ADAM10: variants seen among roughly 807,000 people sequenced by gnomAD.
ADAM10 encodes the protein disintegrin and metalloproteinase domain-containing protein 10.
ADAM10 carries 17 observed loss-of-function variants against 90.1 expected under a neutral mutation model. That is an observed-to-expected ratio of 0.19 (90% CI 0.13 to 0.28). The LOEUF is 0.28. ADAM10 is among the 10% of genes least tolerant of loss of function. The pLI, the probability that ADAM10 is intolerant of heterozygous loss-of-function variation, is 1.00. For missense variants in ADAM10, 610 were observed against 914.3 expected (o/e 0.67, Z 4.29); for synonymous variants, 310 against 298.6 (o/e 1.04, Z -0.40).
chr15:58,682,289 C>T lies in ADAM10; in HGVS notation c.232G>A (p.Asp78Asn). Reference protein sequence around the residue: ...GRHFNLRMKRDTSLFSDEFKV... With the variant: ...GRHFNLRMKRNTSLFSDEFKV... ...AATTCATCACTGAAAAGGGAAGTGT[C>T]CCTCTTCATTCGTAGGTTGAAATGT... Residue 78 changes from aspartate (D) to asparagine (N), a missense_variant, in exon 3 of 16, where the codon GAC becomes AAC. Transcript: ENST00000260408. 6.2e-7 allele frequency: 1 copy of T among 1,612,842 alleles called. No individual in the cohort carries two copies.
Position 58,651,409 on chromosome 15 carries a change from A to G in ADAM10, c.586-5205T>C, listed in dbSNP as rs557456656. On this transcript the variant is annotated intron_variant, in intron 5 of 15. Transcript: ENST00000260408. ...TCCCCACTTCCCCCACCACTGCTCT[A>G]ATACTCATTGCACCCTCTGGTAACC... 3.4e-4 allele frequency among the ~76,000 whole-genome samples: 51 copies of G among 152,200 alleles called. No homozygotes were observed. In the South Asian group the frequency reaches 8.5e-3, roughly 25 times the overall value.
At chr15:58,647,246 G>GTCTTTTTTTTTTTTTTTTTTTTTT (rs1323960397) in intron 5 of ADAM10, among the ~76,000 whole-genome samples, 1 of 36,828 alleles carries the variant, frequency 2.7e-5, no homozygotes, top group African/African-American at 7.4e-5. Context: ...TAGACACTAA[G>GTCTTTTTTTTTTTTTTTTTTTTTT]TATTTTTTTT....
At chr15:58,701,569 C>T (rs1898136303) in intron 2 of ADAM10, among the ~76,000 whole-genome samples, 1 of 152,122 alleles carries the variant, frequency 6.6e-6, no homozygotes, top group East Asian at 1.9e-4. Context: ...CTATGCAAAA[C>T]AGCATAGAGA....
chr15:58,641,538 TG>T (rs1474828246), intron 7 of ADAM10, among the ~76,000 whole-genome samples: 1 of 152,212 alleles, frequency 6.6e-6, no homozygotes, highest in African/African-American at 2.4e-5. Context: ...GCAAGAATTT[TG>T]CTAATTTAAA....
intron 4 of ADAM10, among the ~76,000 whole-genome samples, chr15:58,675,819 T>C (rs1897293239): frequency 6.6e-6 from 1 of 152,112 alleles, no homozygotes; most frequent in South Asian, 2.1e-4. Flanking sequence ...GCAAAAACAG[T>C]ATTAAGAAGA....
chr15:58,710,049 A>C (rs2140804344), intron 2 of ADAM10, among the ~76,000 whole-genome samples: 1 of 152,210 alleles, frequency 6.6e-6, no homozygotes, highest in Non-Finnish European at 1.5e-5. Context: ...CTAGGAGGCC[A>C]AGGCAGGCGG....
Position 58,693,112 on chromosome 15 carries a change from A to G in ADAM10, c.207-10798T>C, listed in dbSNP as rs768659351. 11 of 740,724 alleles carry G rather than the reference A, an allele frequency of 1.5e-5. No individual in the cohort carries two copies. The East Asian group carries it at 2.8e-4, about 19-fold the overall frequency. 45.9% of individuals were successfully genotyped at this position (740,724 alleles called of 1,614,324 possible). A position where few individuals can be genotyped will look rare whatever the true frequency, so the allele number is the denominator to read the frequency against. On this transcript the variant is annotated intron_variant, in intron 2 of 15. Transcript: ENST00000260408. ...CTCCTTGTTGGAATAGAAGGTATTG[A>G]TTATGAGAGACATGAGTTGGGCAAT... is the stretch of plus-strand genomic sequence containing the variant.
chr15:58,726,071 T>C (rs1194400863), intron 1 of ADAM10, among the ~76,000 whole-genome samples: 1 of 152,188 alleles, frequency 6.6e-6, no homozygotes, highest in African/African-American at 2.4e-5. Context: ...CGAATACATT[T>C]TTTAAACACA....
intron 5 of ADAM10, among the ~76,000 whole-genome samples, chr15:58,653,904 G>T (rs548452582): frequency 6.6e-6 from 1 of 152,206 alleles, no homozygotes; most frequent in Non-Finnish European, 1.5e-5. Flanking sequence ...TTATTGGTCT[G>T]TTCAGGTTTT....
At chr15:58,695,552 T>C (rs188736461) in intron 2 of ADAM10, among the ~76,000 whole-genome samples, 129 of 152,070 alleles carry the variant, frequency 8.5e-4, no homozygotes, top group East Asian at 3.1e-3. Context: ...TTCAGCAAAA[T>C]TGCACCCTGA....
At chr15:58,710,811 T>C (rs1322864811) in intron 2 of ADAM10, among the ~76,000 whole-genome samples, 1 of 152,196 alleles carries the variant, frequency 6.6e-6, no homozygotes, top group Non-Finnish European at 1.5e-5. Flanking sequence ...CAGGCATTCA[T>C]TTGTGTTCCC....
intron 1 of ADAM10, among the ~76,000 whole-genome samples, chr15:58,729,143 A>C (rs1360723028): frequency 6.6e-6 from 1 of 152,094 alleles, no homozygotes; most frequent in Non-Finnish European, 1.5e-5. Flanking sequence ...GAACTGCTTG[A>C]GCCCAGGAGT....
intron 4 of ADAM10, among the ~76,000 whole-genome samples, chr15:58,675,556 T>C (rs780475847): frequency 6.6e-6 from 1 of 152,232 alleles, no homozygotes; most frequent in East Asian, 1.9e-4. Context: ...GTGGTATTCT[T>C]ACCTTGTCAT....
chr15:58,724,486 A>C (rs1414573434), intron 1 of ADAM10, among the ~76,000 whole-genome samples: 1 of 152,234 alleles, frequency 6.6e-6, no homozygotes, highest in African/African-American at 2.4e-5. Context: ...ATCTACTACA[A>C]CTGGCCCAGC....
At chr15:58,622,827 G>A (rs1043520385) in intron 10 of ADAM10, among the ~76,000 whole-genome samples, 7 of 152,150 alleles carry the variant, frequency 4.6e-5, no homozygotes, top group Admixed American at 1.3e-4. Context: ...AAGAGCTTTA[G>A]CAACTGCAGA....
chr15:58,682,334 G>A lies in ADAM10; in HGVS notation c.207-20C>T, dbSNP rs1013676783. Reference sequence around the variant, plus strand: ...AAATGTCTGTAAAATGGGATGGGAAGGGGGAACAACTGAAATTAAAAAGAT... The same window carrying A: ...AAATGTCTGTAAAATGGGATGGGAAAGGGGAACAACTGAAATTAAAAAGAT... On this transcript the variant is annotated intron_variant, in intron 2 of 15. Transcript: ENST00000260408. 3 of 1,606,048 alleles carry A rather than the reference G, an allele frequency of 1.9e-6. No individual in the cohort carries two copies. Among genetic ancestry groups the A allele is most frequent in the Middle Eastern group, 1.7e-4 (1 of 5,802 alleles).
chr15:58,599,806 G>A (rs948877354), intron 14 of ADAM10, 82 bp from the exon 15 acceptor site: 1 of 1,370,414 alleles, frequency 7.3e-7, no homozygotes. Flanking sequence ...ATAAAACATA[G>A]AATAGAACAC....
rs984900447 is a variant in ADAM10, at chr15:58,700,431, G to A, written c.206+17146C>T. Reference sequence around the variant, plus strand: ...ACTAGAAACCACGAACAAGAACTTTGGAAACTGTACAAATACATGAAAATT... The same window carrying A: ...ACTAGAAACCACGAACAAGAACTTTAGAAACTGTACAAATACATGAAAATT... On this transcript the variant is annotated intron_variant, in intron 2 of 15. Coordinates refer to ENST00000260408, the MANE Select transcript of ADAM10 (RefSeq NM_001110.4). Among the ~76,000 whole-genome samples the A allele has an allele frequency of 2.6e-5, 4 of 152,122 alleles. No homozygotes were observed. The Middle Eastern group carries it at 0.01, about 388-fold the overall frequency.
intron 5 of ADAM10, among the ~76,000 whole-genome samples, chr15:58,646,838 A>C (rs1430754713): frequency 6.6e-6 from 1 of 152,194 alleles, no homozygotes; most frequent in African/African-American, 2.4e-5. Flanking sequence ...CTACTTAACT[A>C]TCCAGCTTTT....
Sources: allele counts gnomAD v4.1 joint callset (sites outside exome capture counted in the v4.1 genomes callset), GRCh38; gene constraint gnomAD v4.1.1; transcripts MANE v1.5; gene names NCBI Gene and HGNC (gene_info 2026-07-23, HGNC 2026-07-21).